The following URI1 variants were observed in gnomAD, a reference collection of about 807,000 sequenced individuals.
URI1 encodes unconventional prefoldin RPB5 interactor 1.
A neutral mutation model predicts 60.2 loss-of-function variants in URI1; 39 were observed. The ratio of observed to expected loss-of-function variants is 0.65; its 90% CI spans 0.50 to 0.85. The LOEUF is 0.85. Ranked by LOEUF, URI1 falls within the 40% of genes least tolerant of loss-of-function variation. The pLI is 0.00. For missense variants in URI1, 691 were observed against 665.9 expected (o/e 1.04, Z -0.42); for synonymous variants, 251 against 236.8 (o/e 1.06, Z -0.55).
chr19:30,007,757 ATATAT>A, intron 7 of URI1, 119 bp downstream of exon 7: 1 of 804,138 alleles, frequency 1.2e-6, no homozygotes, highest in East Asian at 2.9e-5. Flanking sequence ...GGGAAGCATA[ATATAT>A]TATCAATAAT....
intron 1 of URI1, among the ~76,000 whole-genome samples, chr19:29,958,875 G>T (rs2055284787): frequency 6.6e-6 from 1 of 151,766 alleles, no homozygotes; most frequent in Non-Finnish European, 1.5e-5. Context: ...CATGAGAATT[G>T]CTTGAACCCG....
intron 4 of URI1, among the ~76,000 whole-genome samples, chr19:29,988,658 G>A (rs1033414586): frequency 1.1e-4 from 16 of 152,170 alleles, no homozygotes; most frequent in African/African-American, 3.9e-4. Flanking sequence ...TCTATTAAAT[G>A]CACGTACAGC....
At chr19:29,971,104 G>A in intron 1 of URI1, 89 bp from the exon 2 acceptor site, 1 of 1,242,126 alleles carries the variant, frequency 8.1e-7, no homozygotes, top group African/African-American at 1.5e-5. Context: ...AATCTGTAAA[G>A]CCAATGTTCT....
chr19:29,996,252 A>C lies in URI1; in HGVS notation c.368-9109A>C, dbSNP rs77349006. On this transcript the variant is annotated intron_variant, in intron 4 of 10. Coordinates refer to ENST00000392271, the MANE Select transcript of URI1 (RefSeq NM_003796.3). ...TTCACTCCGTGAACATAGGATATCT[A>C]TTTATTTGTGTCTTATTTGTTTTAG... 9.5e-3 allele frequency among the ~76,000 whole-genome samples: 1,445 copies of C among 152,166 alleles called. 27 individuals are homozygous for C. Among genetic ancestry groups the C allele is most frequent in the African/African-American group, 0.032 (1,312 of 41,516 alleles).
chr19:30,005,623 A>G (rs1335293015), intron 5 of URI1, 28 bp from the exon 6 acceptor site: 1 of 1,604,368 alleles, frequency 6.2e-7, no homozygotes, highest in East Asian at 2.2e-5. Context: ...TGTGTTGTTA[A>G]TACGCTTTTT....
chr19:29,976,107 A>AT (rs141374883), intron 2 of URI1, among the ~76,000 whole-genome samples: 7,375 of 151,690 alleles, frequency 0.049, 611 homozygotes, highest in African/African-American at 0.17. Context: ...ACCTGGAACT[A>AT]TTTTTTTTTA....
chr19:30,008,375 T>G (rs16963624), intron 7 of URI1, among the ~76,000 whole-genome samples: 1,932 of 152,242 alleles, frequency 0.013, 55 homozygotes, highest in African/African-American at 0.045. Flanking sequence ...ACTAATACTA[T>G]TCATTTTTTA....
chr19:29,956,891 GTT>G, intron 1 of URI1: 1 of 1,333,316 alleles, frequency 7.5e-7, no homozygotes, highest in African/African-American at 1.4e-5. Flanking sequence ...CTTCCGCAGG[GTT>G]CCTCTGGGGC....
Position 30,012,527 on chromosome 19 carries a change from C to G in URI1, c.1421C>G (p.Pro474Arg). Residue 474 changes from proline (P) to arginine (R), a missense_variant, in exon 10 of 11, where the codon CCT (proline) becomes CGT (arginine). By Grantham distance (103) the Pro-to-Arg change is moderately radical (BLOSUM62 -2). Transcript: ENST00000392271. ...AAACTTTTGCCCTTATCAGTAACAC[C>G]TGAGGTGTGTGTGTGTATCTTTTAA... The part of the protein sequence containing the change: ...QKKLLPLSVT[P>R]EAFSGTVIEK... 6.2e-7 allele frequency: 1 copy of G among 1,613,870 alleles called. No homozygotes were observed. Among genetic ancestry groups the G allele is most frequent in the South Asian group, 1.1e-5 (1 of 91,046 alleles).
At chr19:29,965,206 G>A (rs534402968) in intron 1 of URI1, among the ~76,000 whole-genome samples, 113 of 152,178 alleles carry the variant, frequency 7.4e-4, no homozygotes, top group Non-Finnish European at 1.4e-3. Flanking sequence ...GATGTCCAAA[G>A]TAAATGAGGT....
At position 30,009,292 on chromosome 19, in the gene URI1, T is replaced by C. The variant is rs1380516222; in HGVS notation, c.974T>C (p.Leu325Ser). 2 of 1,614,074 alleles carry C rather than the reference T, an allele frequency of 1.2e-6. No homozygotes were observed. Among genetic ancestry groups the C allele is most frequent in the Non-Finnish European group, 1.7e-6 (2 of 1,179,988 alleles). The change falls in exon 8 of 11, where the codon TTA becomes TCA. Residue 325 changes from leucine (L) to serine (S), a missense_variant. Physicochemically the swap from Leu to Ser is moderately radical, Grantham distance 145 (BLOSUM62 -2). Coordinates refer to ENST00000392271, the MANE Select transcript of URI1 (RefSeq NM_003796.3). Reference sequence around the variant, plus strand: ...GATGGTGATAACGACCATGAGGCTTTAGGGGTTGGAGATAATTCTATACCA... The same window carrying C: ...GATGGTGATAACGACCATGAGGCTTCAGGGGTTGGAGATAATTCTATACCA... The part of the protein sequence containing the change: ...DDDGDNDHEA[L>S]GVGDNSIPTI...
chr19:30,005,779 C>CA, intron 6 of URI1, 71 bp downstream of exon 6: 4 of 1,395,304 alleles, frequency 2.9e-6, no homozygotes, highest in Non-Finnish European at 4.0e-6. Flanking sequence ...AGTGGGCTTT[C>CA]TGTGAGATAT....
chr19:29,954,918 C>CA (rs920872619), intron 1 of URI1, among the ~76,000 whole-genome samples: 1 of 152,068 alleles, frequency 6.6e-6, no homozygotes, highest in Admixed American at 6.6e-5. Context: ...CTTTCTTATA[C>CA]AAAAGGCAGC....
intron 1 of URI1, among the ~76,000 whole-genome samples, chr19:29,934,066 G>A (rs1453158500): frequency 6.6e-6 from 1 of 150,460 alleles, no homozygotes; most frequent in Non-Finnish European, 1.5e-5. Flanking sequence ...CTCCCAAGTA[G>A]CTGGGATTAC....
intron 1 of URI1, among the ~76,000 whole-genome samples, chr19:29,945,356 A>G (rs1246172072): frequency 2.6e-5 from 4 of 152,170 alleles, no homozygotes; most frequent in South Asian, 2.1e-4. Flanking sequence ...GCTAAGGAGT[A>G]TAACAAGTTT....
In URI1 at chr19:30,005,654, G is replaced by A; in HGVS notation, c.463G>A (p.Ala155Thr). The change falls in exon 6 of 11, where the codon GCA becomes ACA. Residue 155 changes from alanine (A) to threonine (T), a missense_variant. By Grantham distance (58) the Ala-to-Thr change is moderately conservative. Transcript: ENST00000392271. ...TTTTTTTTTGTTTAAAAACCAGGCTGCAGGTGATATTGTTGACATACGAGA... is the reference window on the plus strand; with the variant it reads ...TTTTTTTTTGTTTAAAAACCAGGCTACAGGTGATATTGTTGACATACGAGA... ...TEDLQKMSDAAGDIVDIREEI... is the reference protein window; with the variant it reads ...TEDLQKMSDATGDIVDIREEI... 1 of 1,610,364 alleles carries A rather than the reference G, an allele frequency of 6.2e-7. No homozygotes were observed. The highest frequency in any genetic ancestry group is 8.5e-7 in the Non-Finnish European group (1 of 1,178,628).
chr19:30,004,574 A>G (rs780603952), intron 4 of URI1: 4 of 151,988 alleles, frequency 2.6e-5, no homozygotes, highest in African/African-American at 7.2e-5. Context: ...ATCACTGTCT[A>G]TTATTCTTTA....
intron 1 of URI1, chr19:29,925,959 T>C (rs775328685): frequency 5.3e-5 from 8 of 152,198 alleles, no homozygotes; most frequent in African/African-American, 1.9e-4. Context: ...GTCCAAAGGA[T>C]TGGAAGTTGG....
At chr19:30,013,325 C>T (rs2056046471) in intron 10 of URI1, among the ~76,000 whole-genome samples, 1 of 152,154 alleles carries the variant, frequency 6.6e-6, no homozygotes, top group African/African-American at 2.4e-5. Context: ...ATTGCTTTTA[C>T]TAAATGGTAT....
Sources: gnomAD v4.1 joint callset for allele counts (sites outside exome capture counted in the v4.1 genomes callset) on GRCh38, gnomAD v4.1.1 for gene constraint, MANE v1.5 for transcripts, NCBI Gene and HGNC (gene_info 2026-07-23, HGNC 2026-07-21) for gene names.